EHBP1: variants seen among roughly 807,000 people sequenced by gnomAD.
The protein encoded by EHBP1 is EH domain-binding protein 1.
Under a neutral mutation model 144.0 loss-of-function variants are expected in EHBP1, and 55 were observed. The observed-to-expected ratio is 0.38, with a 90% CI of 0.31 to 0.48. The LOEUF (loss-of-function observed/expected upper bound fraction) is 0.48. EHBP1 is among the 20% of genes least tolerant of loss of function. The pLI, the probability that EHBP1 is intolerant of heterozygous loss-of-function variation, is 0.98. For synonymous variants in EHBP1, 469 were observed against 472.7 expected, an observed-to-expected ratio of 0.99 and a Z score of 0.10; for missense variants, 1,200 against 1,364.2, an observed-to-expected ratio of 0.88 and a Z score of 1.90.
chr2:62,958,751 G>A (rs1193574468), intron 14 of EHBP1, among the ~76,000 whole-genome samples: 8 of 152,186 alleles, frequency 5.3e-5, no homozygotes, highest in Middle Eastern at 3.4e-3. Flanking sequence ...TTAAAAATAC[G>A]TAGTATGCTA....
rs70962793 is a variant in EHBP1, at chr2:62,736,224, C to CTTT, written c.105-11153_105-11151dup. Among the ~76,000 whole-genome samples the CTTT allele has an allele frequency of 2.2e-4, 22 of 102,224 alleles. 1 individual carries two copies. The highest frequency in any genetic ancestry group is 2.6e-4 in the African/African-American group (7 of 26,524). The allele number at this position is 102,224 out of a possible 152,430, so 67.1% of individuals were successfully genotyped here. On this transcript the variant is annotated intron_variant, in intron 2 of 22. Transcript: ENST00000431489. The stretch of plus-strand genomic sequence containing the variant: ...TTTTTTCAGTCTTTGTTCTCTTTGC[C>CTTT]TTTTTTTTTTTTTTTTTTTTGAGAC...
chr2:62,921,321 T>C (rs933217216), intron 10 of EHBP1, among the ~76,000 whole-genome samples: 5 of 152,014 alleles, frequency 3.3e-5, no homozygotes, highest in Admixed American at 2.0e-4. Context: ...TGCATGTGCC[T>C]GTAGCCCCAG....
intron 19 of EHBP1, among the ~76,000 whole-genome samples, chr2:63,014,116 A>T (rs1029651216): frequency 5.3e-5 from 8 of 152,234 alleles, no homozygotes; most frequent in African/African-American, 1.7e-4. Flanking sequence ...CAAGATTATT[A>T]GAAAGGATGG....
intron 9 of EHBP1, among the ~76,000 whole-genome samples, chr2:62,868,920 C>T (rs933564108): frequency 5.9e-5 from 9 of 152,086 alleles, no homozygotes; most frequent in Admixed American, 2.0e-4. Flanking sequence ...CTCCATTGCA[C>T]TCCAGCCTGG....
chr2:62,831,497 A>G (rs908772678), intron 7 of EHBP1, among the ~76,000 whole-genome samples: 1 of 152,192 alleles, frequency 6.6e-6, no homozygotes, highest in Non-Finnish European at 1.5e-5. Context: ...ATAGGACACA[A>G]TAAGGAGATG....
At chr2:62,920,463 C>A (rs933325864) in intron 10 of EHBP1, among the ~76,000 whole-genome samples, 13 of 152,082 alleles carry the variant, frequency 8.5e-5, no homozygotes, top group African/African-American at 2.9e-4. Flanking sequence ...GTTTGCCCTG[C>A]AAGAAGTGCT....
chr2:62,927,890 G>A (rs943496276), intron 10 of EHBP1, among the ~76,000 whole-genome samples: 1 of 152,068 alleles, frequency 6.6e-6, no homozygotes, highest in Admixed American at 6.6e-5. Flanking sequence ...AAGAAACCAT[G>A]CAAAGTATCT....
At chr2:62,818,054 C>T (rs565623509) in intron 5 of EHBP1, among the ~76,000 whole-genome samples, 2 of 151,744 alleles carry the variant, frequency 1.3e-5, no homozygotes, top group South Asian at 2.1e-4. Context: ...TTTAAGTACC[C>T]CTGGAACATT....
At chr2:62,949,880 C>A (rs1375705463) in intron 13 of EHBP1, among the ~76,000 whole-genome samples, 1 of 151,960 alleles carries the variant, frequency 6.6e-6, no homozygotes, top group Non-Finnish European at 1.5e-5. Context: ...ATTTTATGTA[C>A]CACAACAAAA....
At chr2:62,875,318 C>T (rs770909099) in intron 10 of EHBP1, among the ~76,000 whole-genome samples, 1 of 152,214 alleles carries the variant, frequency 6.6e-6, no homozygotes, top group African/African-American at 2.4e-5. Context: ...TCCCAGATAA[C>T]AAAGCCGTGG....
chr2:63,028,028 G>A (rs2061060488), intron 19 of EHBP1, among the ~76,000 whole-genome samples: 1 of 152,084 alleles, frequency 6.6e-6, no homozygotes, highest in African/African-American at 2.4e-5. Context: ...CTCTGAAAGT[G>A]CTGGGATTAC....
intron 5 of EHBP1, among the ~76,000 whole-genome samples, chr2:62,779,606 TA>T (rs2042288304): frequency 1.3e-5 from 2 of 152,222 alleles, no homozygotes; most frequent in South Asian, 4.1e-4. Context: ...AGATCTCTTT[TA>T]GGCCATTCTT....
At chr2:62,991,894 A>C (rs567345008) in intron 16 of EHBP1, among the ~76,000 whole-genome samples, 1 of 152,314 alleles carries the variant, frequency 6.6e-6, no homozygotes, top group East Asian at 1.9e-4. Context: ...ATTGGTGATG[A>C]AAGTGTGTGG....
chr2:63,010,094 A>G (rs993971746), intron 19 of EHBP1, among the ~76,000 whole-genome samples: 1 of 151,554 alleles, frequency 6.6e-6, no homozygotes, highest in African/African-American at 2.4e-5. Context: ...AAGGAAGGCT[A>G]AGAGTCAACT....
intron 8 of EHBP1, 81 bp from the exon 9 acceptor site, chr2:62,864,650 A>G (rs1330335552): frequency 3.4e-5 from 46 of 1,339,284 alleles, no homozygotes; most frequent in Non-Finnish European, 3.6e-5. Context: ...TCAATAATGC[A>G]TATATTTGAG....
intron 19 of EHBP1, among the ~76,000 whole-genome samples, chr2:63,020,502 CAAAAAAAAAAA>C (rs544692213): frequency 9.5e-6 from 1 of 105,288 alleles, no homozygotes; most frequent in Non-Finnish European, 2.0e-5. Context: ...GACTACATCT[CAAAAAAAAAAA>C]AGAAAGAAAA....
intron 8 of EHBP1, among the ~76,000 whole-genome samples, chr2:62,862,293 A>AT (rs1388164427): frequency 6.6e-6 from 1 of 152,190 alleles, no homozygotes. Context: ...CATGTACAGT[A>AT]TACGTGGTTT....
At position 62,956,368 on chromosome 2, in the gene EHBP1, AGTT is replaced by A. The variant is rs2057695932; in HGVS notation, c.2460+712_2460+714del. ...CACCACAGCACCATCATGTGTTAGT[AGTT>A]GTTTTTCCCAGAAAGAGCAGCTCTG... On this transcript the variant is annotated intron_variant, in intron 14 of 22. Coordinates refer to ENST00000431489, the MANE Select transcript of EHBP1 (RefSeq NM_001142616.3). Among the ~76,000 whole-genome samples, 3 of 152,332 alleles carry A rather than the reference AGTT, an allele frequency of 2.0e-5. No homozygotes were observed. The South Asian group carries it at 6.2e-4, about 32-fold the overall frequency.
chr2:62,977,058 CT>C (rs1415563234), intron 14 of EHBP1, among the ~76,000 whole-genome samples: 2 of 151,848 alleles, frequency 1.3e-5, no homozygotes, highest in African/African-American at 4.8e-5. Context: ...TCCTTGGACT[CT>C]TATAAGAGCC....
Sources: allele counts gnomAD v4.1 joint callset (sites outside exome capture counted in the v4.1 genomes callset), GRCh38; gene constraint gnomAD v4.1.1; transcripts MANE v1.5; gene names NCBI Gene and HGNC (gene_info 2026-07-23, HGNC 2026-07-21).